Variants in SAMMSON observed in about 807,000 individuals in gnomAD.
The protein encoded by SAMMSON is survival associated mitochondrial melanoma specific oncogenic non-coding RNA.
chr3:70,403,705 G>C (rs1230163904), intron 2 of SAMMSON, among the ~76,000 whole-genome samples: 1 of 152,038 alleles, frequency 6.6e-6, no homozygotes, highest in Non-Finnish European at 1.5e-5. Context: ...CATATAAATT[G>C]TTTTCTGACT....
At chr3:70,409,923 TC>T (rs1286556754) in intron 2 of SAMMSON, among the ~76,000 whole-genome samples, 1 of 152,184 alleles carries the variant, frequency 6.6e-6, no homozygotes, top group East Asian at 1.9e-4. Context: ...GATCCCATCA[TC>T]CAGGTAGTGA....
intron 7 of SAMMSON, chr3:70,333,031 C>T (rs974392349): frequency 1.3e-5 from 2 of 152,230 alleles, no homozygotes; most frequent in Non-Finnish European, 2.9e-5. Flanking sequence ...TTTTATTCTT[C>T]TCTCAGTCTC....
intron 6 of SAMMSON, among the ~76,000 whole-genome samples, chr3:70,290,796 G>A (rs556307339): frequency 5.9e-5 from 9 of 152,184 alleles, no homozygotes; most frequent in Non-Finnish European, 1.2e-4. Flanking sequence ...GAAAAGCGCA[G>A]TATTCGGGTG....
intron 4 of SAMMSON, among the ~76,000 whole-genome samples, chr3:70,118,529 A>C (rs1201412604): frequency 6.6e-6 from 1 of 152,172 alleles, no homozygotes; most frequent in East Asian, 1.9e-4. Context: ...TGGAAATCTG[A>C]ATACTGAATT....
chr3:70,152,055 A>G (rs554551103), intron 4 of SAMMSON, among the ~76,000 whole-genome samples: 1 of 152,148 alleles, frequency 6.6e-6, no homozygotes, highest in African/African-American at 2.4e-5. Context: ...ATATAATTCC[A>G]TGTTCCTTGA....
At chr3:70,372,272 GGTTTT>G (rs1413502529) in intron 9 of SAMMSON, among the ~76,000 whole-genome samples, 2 of 151,272 alleles carry the variant, frequency 1.3e-5, no homozygotes, top group African/African-American at 4.8e-5. Context: ...GGACTAAGAT[GGTTTT>G]GTTTTATTTT....
intron 7 of SAMMSON, among the ~76,000 whole-genome samples, chr3:70,351,850 C>G (rs1010569725): frequency 6.6e-6 from 1 of 152,084 alleles, no homozygotes; most frequent in Non-Finnish European, 1.5e-5. Flanking sequence ...ACCATAACAG[C>G]AAAGGCCCCT....
intron 7 of SAMMSON, among the ~76,000 whole-genome samples, chr3:70,338,964 A>G (rs139342188): frequency 2.2e-4 from 34 of 152,324 alleles, no homozygotes; most frequent in African/African-American, 7.9e-4. Context: ...AGCCAAAAGA[A>G]CAGAGCTGGA....
At chr3:70,328,987 C>G (rs142218444) in intron 7 of SAMMSON, among the ~76,000 whole-genome samples, 1 of 152,242 alleles carries the variant, frequency 6.6e-6, no homozygotes, top group Non-Finnish European at 1.5e-5. Context: ...GCCATCTCAT[C>G]AGAAATCATG....
chr3:70,257,080 A>G (rs1157902054), intron 6 of SAMMSON, among the ~76,000 whole-genome samples: 3 of 152,210 alleles, frequency 2.0e-5, no homozygotes, highest in Non-Finnish European at 4.4e-5. Flanking sequence ...ACCATGAAAA[A>G]TGAGAGAGGA....
intron 4 of SAMMSON, among the ~76,000 whole-genome samples, chr3:70,227,192 G>A (rs745615930): frequency 8.5e-5 from 13 of 152,136 alleles, no homozygotes; most frequent in Non-Finnish European, 1.6e-4. Flanking sequence ...ATGCCATGAT[G>A]GAGGATGAAT....
intron 4 of SAMMSON, among the ~76,000 whole-genome samples, chr3:70,101,770 G>A (rs532169506): frequency 3.1e-4 from 47 of 152,202 alleles, no homozygotes; most frequent in Non-Finnish European, 4.9e-4. Context: ...GACTCGTAAG[G>A]AAACAGACCA....
intron 4 of SAMMSON, among the ~76,000 whole-genome samples, chr3:70,146,618 A>T (rs1281517518): frequency 6.6e-6 from 1 of 152,030 alleles, no homozygotes; most frequent in South Asian, 2.1e-4. Context: ...AAAACCATTA[A>T]TAATAAAATC....
chr3:70,050,235 C>T lies in SAMMSON; in HGVS notation n.418-21241C>T, dbSNP rs181125707. On this transcript the variant is annotated intron_variant and non_coding_transcript_variant, in intron 3 of 9. Coordinates refer to ENST00000642114, the Ensembl canonical transcript of SAMMSON. Reference sequence around the variant, plus strand: ...TTTCTACTCGATTAAAAATATTTTGCGTTCTGTGTAAATGGCACATTTGCT... The same window carrying T: ...TTTCTACTCGATTAAAAATATTTTGTGTTCTGTGTAAATGGCACATTTGCT... Among the ~76,000 whole-genome samples, 3 of 152,240 alleles carry T rather than the reference C, an allele frequency of 2.0e-5. No homozygotes were observed. In the East Asian group the frequency reaches 5.8e-4, roughly 29 times the overall value.
chr3:70,141,080 G>A (rs1370971777), intron 4 of SAMMSON, among the ~76,000 whole-genome samples: 3 of 151,742 alleles, frequency 2.0e-5, no homozygotes, highest in South Asian at 2.1e-4. Context: ...CAGCCTCAAC[G>A]CATTACCCAA....
intron 9 of SAMMSON, among the ~76,000 whole-genome samples, chr3:70,360,236 C>T (rs971601208): frequency 2.6e-5 from 4 of 152,076 alleles, no homozygotes; most frequent in African/African-American, 9.7e-5. Flanking sequence ...TCTTATGCCT[C>T]ATATGGATTA....
At chr3:70,174,494 G>T (rs1243755619) in intron 4 of SAMMSON, among the ~76,000 whole-genome samples, 1 of 151,942 alleles carries the variant, frequency 6.6e-6, no homozygotes, top group Non-Finnish European at 1.5e-5. Flanking sequence ...GCATAACGTA[G>T]AGATAAAGAA....
intron 4 of SAMMSON, among the ~76,000 whole-genome samples, chr3:70,094,067 C>T (rs2067314573): frequency 6.6e-6 from 1 of 152,192 alleles, no homozygotes; most frequent in South Asian, 2.1e-4. Context: ...AACCATCAGC[C>T]TGAAATTGGT....
At chr3:70,049,999 T>G (rs2067140423) in intron 3 of SAMMSON, among the ~76,000 whole-genome samples, 1 of 152,014 alleles carries the variant, frequency 6.6e-6, no homozygotes, top group Admixed American at 6.6e-5. Flanking sequence ...AGATTCTATG[T>G]GCCAAGCTGG....
Sources: allele counts gnomAD v4.1 joint callset (sites outside exome capture counted in the v4.1 genomes callset), GRCh38; gene constraint gnomAD v4.1.1; transcripts MANE v1.5; gene names NCBI Gene and HGNC (gene_info 2026-07-23, HGNC 2026-07-21).